NUP210L: variants seen among roughly 807,000 people sequenced by gnomAD.
The protein encoded by NUP210L is nucleoporin 210 like.
Under a neutral mutation model 208.5 loss-of-function variants are expected in NUP210L, and 74 were observed. The observed-to-expected ratio is 0.35, with a 90% CI of 0.29 to 0.43. NUP210L has a LOEUF of 0.43. Among genes scored for constraint, NUP210L ranks in the 20% least tolerant of loss-of-function variants. The pLI, the probability that NUP210L is intolerant of heterozygous loss-of-function variation, is 1.00. For missense variants in NUP210L, 1,843 were observed against 2,289.4 expected, an observed-to-expected ratio of 0.81 and a Z score of 3.98; for synonymous variants, 780 against 816.9, an observed-to-expected ratio of 0.95 and a Z score of 0.77.
At chr1:154,018,270 C>A (rs1651373024) in intron 33 of NUP210L, among the ~76,000 whole-genome samples, 1 of 152,116 alleles carries the variant, frequency 6.6e-6, no homozygotes, top group African/African-American at 2.4e-5. Context: ...CCGCGCCTGG[C>A]CTTTTTTCTA....
chr1:154,154,945 T>A (rs759593932), exon 1 of NUP210L: 2 of 1,614,124 alleles, frequency 1.2e-6, no homozygotes, highest in Admixed American at 1.7e-5. Context: ...TTGGCCAGGG[T>A]CCCACGCAAA....
chr1:154,083,283 C>T (rs138703466), intron 16 of NUP210L, among the ~76,000 whole-genome samples: 2 of 152,232 alleles, frequency 1.3e-5, no homozygotes, highest in East Asian at 3.9e-4. Flanking sequence ...ATTTACAAAC[C>T]TTTAGCTAGA....
chr1:154,079,767 TCTTGGTCAAGGTCAAGATCA>T (rs1482186222), intron 16 of NUP210L: 1 of 150,110 alleles, frequency 6.7e-6, no homozygotes, highest in Non-Finnish European at 1.5e-5. Flanking sequence ...GGTCAAGATC[TCTTGGTCAAGGTCAAGATCA>T]CTTGGTCTTC....
chr1:154,028,568 C>T (rs1201975585), intron 28 of NUP210L, among the ~76,000 whole-genome samples: 1 of 152,020 alleles, frequency 6.6e-6, no homozygotes, highest in Non-Finnish European at 1.5e-5. Context: ...GCCTAAGCAA[C>T]AGAGTGAAAC....
chr1:154,023,407 G>T (rs1331993432), intron 30 of NUP210L, 110 bp from the exon 31 acceptor site: 1 of 860,420 alleles, frequency 1.2e-6, no homozygotes, highest in East Asian at 2.7e-5. Flanking sequence ...TTTTCCATAG[G>T]AAATAGCTTT....
At chr1:154,060,996 A>T in exon 19 of NUP210L, 1 of 1,613,920 alleles carries the variant, frequency 6.2e-7, no homozygotes, top group South Asian at 1.1e-5. Context: ...CAGTTACATC[A>T]TCTACCAGGA....
chr1:154,082,280 C>A (rs188047317), intron 16 of NUP210L, among the ~76,000 whole-genome samples: 1 of 152,308 alleles, frequency 6.6e-6, no homozygotes, highest in East Asian at 1.9e-4. Context: ...TTGTTGGGAA[C>A]TGTGCCTTTA....
rs572197910 is a variant in NUP210L, at chr1:154,100,279, G to A, written c.1820-136C>T. 87 of 701,798 alleles carry A rather than the reference G, an allele frequency of 1.2e-4. 1 individual carries two copies. The highest frequency in any genetic ancestry group is 6.8e-4 in the South Asian group (38 of 56,192). 43.5% of individuals were successfully genotyped at this position (701,798 alleles called of 1,614,324 possible). A position where few individuals can be genotyped will look rare whatever the true frequency, so the allele number is the denominator to read the frequency against. On this transcript the variant is annotated intron_variant, in intron 13 of 39. Transcript: ENST00000368559. ...CGCCTGAAAAACATGGTGAAACCCC[G>A]TGTCTACAAAATATTTAAAAAATTA... is the stretch of plus-strand genomic sequence containing the variant.
At chr1:154,103,650 C>T (rs1181158271) in intron 13 of NUP210L, among the ~76,000 whole-genome samples, 4 of 124,712 alleles carry the variant, frequency 3.2e-5, no homozygotes, top group Admixed American at 1.0e-4. Context: ...CCAGCCTGGG[C>T]GACAGAGCGA....
intron 18 of NUP210L, 59 bp from the exon 19 acceptor site, chr1:154,061,105 C>A (rs776585609): frequency 3.2e-5 from 39 of 1,216,782 alleles, no homozygotes; most frequent in Non-Finnish European, 3.0e-5. Flanking sequence ...TGGCCGCCCA[C>A]GGTGGCTTAC....
chr1:154,079,063 T>C (rs1571246243), intron 16 of NUP210L: 1 of 152,042 alleles, frequency 6.6e-6, no homozygotes, highest in Admixed American at 6.6e-5. Flanking sequence ...GGTGGAAGGA[T>C]TGCTTGAGGC....
intron 10 of NUP210L, among the ~76,000 whole-genome samples, chr1:154,122,832 G>A (rs1317943078): frequency 6.6e-6 from 1 of 152,076 alleles, no homozygotes; most frequent in Non-Finnish European, 1.5e-5. Context: ...GCTGAGGTGG[G>A]TGGAGCACCT....
exon 13 of NUP210L, chr1:154,104,054 G>T: frequency 1.9e-6 from 3 of 1,614,058 alleles, no homozygotes; most frequent in South Asian, 2.2e-5. Context: ...TCCATGTTCA[G>T]ATCCAAGGAT....
intron 33 of NUP210L, among the ~76,000 whole-genome samples, chr1:154,013,574 A>C (rs1367848483): frequency 8.5e-6 from 1 of 117,052 alleles, no homozygotes; most frequent in African/African-American, 4.8e-5. Context: ...ACTCCATCTC[A>C]AAAAAACAAA....
At chr1:154,134,417 G>A (rs990553078) in intron 7 of NUP210L, among the ~76,000 whole-genome samples, 23 of 142,314 alleles carry the variant, frequency 1.6e-4, no homozygotes, top group Admixed American at 3.9e-4. Context: ...ACAGATCTCC[G>A]TGTACCTTTT....
chr1:154,116,080 C>G (rs1403215720), intron 12 of NUP210L, among the ~76,000 whole-genome samples: 2 of 152,042 alleles, frequency 1.3e-5, no homozygotes, highest in East Asian at 3.9e-4. Flanking sequence ...ACGGTGAAAC[C>G]CCATCTCTAT....
chr1:153,993,369 A>G (rs954821958), intron 38 of NUP210L, among the ~76,000 whole-genome samples: 1 of 151,420 alleles, frequency 6.6e-6, no homozygotes, highest in Non-Finnish European at 1.5e-5. Flanking sequence ...GATTGAGACC[A>G]TCCTGGCTAA....
chr1:154,035,091 C>T lies in NUP210L; in HGVS notation c.3697-5037G>A, dbSNP rs573980019. On this transcript the variant is annotated intron_variant, in intron 27 of 39. Coordinates refer to ENST00000368559, the Ensembl canonical transcript of NUP210L. ...TCCTGACCTTGTGATCTACCTGCCT[C>T]GGCCTCCCAAAGTGCTGGGATTACA... 2.3e-3 allele frequency among the ~76,000 whole-genome samples: 349 copies of T among 151,732 alleles called. 1 individual carries two copies. The highest frequency in any genetic ancestry group is 0.014 in the Middle Eastern group (4 of 294).
chr1:154,027,630 C>A (rs952234902), intron 28 of NUP210L, 33 bp from the exon 29 acceptor site: 3 of 1,477,344 alleles, frequency 2.0e-6, no homozygotes, highest in East Asian at 2.3e-5. Flanking sequence ...TCATTTTTGG[C>A]AAAGACAAAT....
Sources: allele counts gnomAD v4.1 joint callset (sites outside exome capture counted in the v4.1 genomes callset), GRCh38; gene constraint gnomAD v4.1.1; transcripts MANE v1.5; gene names NCBI Gene and HGNC (gene_info 2026-07-23, HGNC 2026-07-21).